Variants in UROS observed in about 807,000 individuals in gnomAD.
UROS encodes the protein uroporphyrinogen III synthase, also known as uroporphyrinogen-III synthase.
A neutral mutation model predicts 33.0 loss-of-function variants in UROS; 18 were observed. The ratio of observed to expected loss-of-function variants is 0.55; its 90% confidence interval spans 0.38 to 0.81. The LOEUF is 0.81. UROS is among the 30% of genes least tolerant of loss of function. UROS has a pLI of 0.00. For synonymous variants in UROS, 114 were observed against 121.1 expected, an observed-to-expected ratio of 0.94 and a Z score of 0.38; for missense variants, 293 against 314.9, an observed-to-expected ratio of 0.93 and a Z score of 0.53.
chr10:125,814,266 C>G (rs1853095185), intron 4 of UROS, among the ~76,000 whole-genome samples: 1 of 152,204 alleles, frequency 6.6e-6, no homozygotes, highest in Admixed American at 6.5e-5. Flanking sequence ...AAACCCAGGA[C>G]TAACTCACTC....
chr10:125,823,244 G>C lies in UROS; in HGVS notation c.-242C>G. The stretch of plus-strand genomic sequence containing the variant: ...TCGCGTGGGTGGCTGCGCGCAGCTA[G>C]GCGCTCGCGCATGCGCACCGCCATC... On this transcript the variant is annotated 5_prime_UTR_variant, in exon 1 of 10. Transcript: ENST00000368797. The C allele has an allele frequency of 3.7e-6, 1 of 266,734 alleles. No individual in the cohort carries two copies. Among genetic ancestry groups the C allele is most frequent in the Non-Finnish European group, 7.1e-6 (1 of 140,290 alleles). The allele number at this position is 266,734 out of a possible 1,614,324, so 16.5% of individuals were successfully genotyped here. A position where few individuals can be genotyped will look rare whatever the true frequency, so the allele number is the denominator to read the frequency against.
intron 1 of UROS, among the ~76,000 whole-genome samples, chr10:125,820,346 G>A (rs948772513): frequency 2.5e-4 from 38 of 152,190 alleles, no homozygotes; most frequent in African/African-American, 9.2e-4. Context: ...TCAGCACCAG[G>A]AGCACCAAGG....
intron 6 of UROS, among the ~76,000 whole-genome samples, chr10:125,805,442 C>T (rs549465501): frequency 6.6e-6 from 1 of 152,278 alleles, no homozygotes; most frequent in South Asian, 2.1e-4. Context: ...TGAATTCCAG[C>T]CTGCCACTTC....
chr10:125,801,759 T>C (rs956713923), intron 6 of UROS, among the ~76,000 whole-genome samples: 18 of 152,234 alleles, frequency 1.2e-4, no homozygotes, highest in African/African-American at 4.3e-4. Flanking sequence ...AATATGTTAA[T>C]ATCTATCCAA....
At chr10:125,787,772 A>G (rs927187919), downstream of UROS, among the ~76,000 whole-genome samples, 5 of 152,152 alleles carry the variant, frequency 3.3e-5, no homozygotes, top group African/African-American at 1.2e-4. Context: ...AACAGTTCTC[A>G]AAGAATTTCT....
At chr10:125,796,532 C>T (rs1264291292) in intron 7 of UROS, among the ~76,000 whole-genome samples, 1 of 152,242 alleles carries the variant, frequency 6.6e-6, no homozygotes, top group Non-Finnish European at 1.5e-5. Context: ...GGATCCCACA[C>T]AGACTGGTTG....
At chr10:125,821,808 G>A (rs1394871028) in intron 1 of UROS, among the ~76,000 whole-genome samples, 1 of 152,096 alleles carries the variant, frequency 6.6e-6, no homozygotes, top group African/African-American at 2.4e-5. Flanking sequence ...TGTTTTTGCA[G>A]TTGTGCGACC....
intron 6 of UROS, among the ~76,000 whole-genome samples, chr10:125,801,141 T>A (rs906801975): frequency 6.6e-6 from 1 of 152,006 alleles, no homozygotes; most frequent in African/African-American, 2.4e-5. Context: ...GGCGCCTGAG[T>A]GCTGATAATA....
intron 7 of UROS, 102 bp from the exon 8 acceptor site, chr10:125,796,290 A>C: frequency 8.6e-7 from 1 of 1,161,602 alleles, no homozygotes; most frequent in Non-Finnish European, 1.3e-6. Context: ...ATACAGCACC[A>C]CCCTCCTGGA....
At chr10:125,798,284 T>A in intron 6 of UROS, 139 bp from the exon 7 acceptor site, 1 of 829,990 alleles carries the variant, frequency 1.2e-6, no homozygotes, top group Non-Finnish European at 2.0e-6. Context: ...AGTTTCAGCA[T>A]CTGTAAACAG....
At chr10:125,801,462 TA>T (rs1176050784) in intron 6 of UROS, among the ~76,000 whole-genome samples, 2 of 152,230 alleles carry the variant, frequency 1.3e-5, no homozygotes, top group Admixed American at 1.3e-4. Flanking sequence ...AAGTGTTAAC[TA>T]AAATAAATAG....
At chr10:125,810,838 A>T (rs1852744981) in intron 5 of UROS, among the ~76,000 whole-genome samples, 1 of 152,234 alleles carries the variant, frequency 6.6e-6, no homozygotes, top group Non-Finnish European at 1.5e-5. Flanking sequence ...ATTGACTTTC[A>T]TGTCAAGGAA....
At chr10:125,821,326 A>C (rs932148218) in intron 1 of UROS, among the ~76,000 whole-genome samples, 5 of 152,250 alleles carry the variant, frequency 3.3e-5, no homozygotes, top group African/African-American at 1.2e-4. Context: ...GGAAATCCTA[A>C]TGCATGCTAC....
intron 6 of UROS, among the ~76,000 whole-genome samples, chr10:125,805,048 G>C (rs1418817943): frequency 6.6e-6 from 1 of 152,234 alleles, no homozygotes; most frequent in Non-Finnish European, 1.5e-5. Flanking sequence ...TGGGGCAAGA[G>C]AGGCGTCAGT....
At chr10:125,819,032 T>C (rs1853610851) in intron 1 of UROS, among the ~76,000 whole-genome samples, 1 of 152,220 alleles carries the variant, frequency 6.6e-6, no homozygotes, top group South Asian at 2.1e-4. Flanking sequence ...TCGCCCAGGC[T>C]GGAGTGCAGT....
chr10:125,822,801 C>T lies in UROS; in HGVS notation c.-27+228G>A, dbSNP rs1218753391. On this transcript the variant is annotated intron_variant, in intron 1 of 9. Coordinates refer to ENST00000368797, the MANE Select transcript of UROS (RefSeq NM_000375.3). ...AACTGCGGTGCCGGCTTTAAAAAAACTTTTAGGTCAAGAAATGCGCTCCAG... is the reference window on the plus strand; with the variant it reads ...AACTGCGGTGCCGGCTTTAAAAAAATTTTTAGGTCAAGAAATGCGCTCCAG... 7.9e-5 allele frequency among the ~76,000 whole-genome samples: 12 copies of T among 152,332 alleles called. No individual in the cohort carries two copies. The South Asian group carries it at 1.7e-3, about 21-fold the overall frequency.
intron 9 of UROS, chr10:125,793,630 TC>T (rs1197878129): frequency 6.6e-6 from 1 of 152,302 alleles, no homozygotes; most frequent in Non-Finnish European, 1.5e-5. Flanking sequence ...CACTGCAACC[TC>T]AGTCTCCAGG....
At chr10:125,820,562 AG>A (rs1296092747) in intron 1 of UROS, among the ~76,000 whole-genome samples, 1 of 152,228 alleles carries the variant, frequency 6.6e-6, no homozygotes, top group Non-Finnish European at 1.5e-5. Context: ...ATGTTTAACC[AG>A]ATATCTGGGC....
At position 125,816,261 on chromosome 10, in the gene UROS, C is replaced by A; in HGVS notation, c.64-1G>T. The A allele has an allele frequency of 6.2e-7, 1 of 1,613,924 alleles. No homozygotes were observed. The highest frequency in any genetic ancestry group is 8.5e-7 in the Non-Finnish European group (1 of 1,179,848). ...CTTCAAGTCCATATAATCCTAATTC[C>A]TGAAATGAAAGAATATAGTTCTGGA... is the stretch of plus-strand genomic sequence containing the variant. On this transcript the variant is annotated splice_acceptor_variant, in intron 2 of 9. Coordinates refer to ENST00000368797, the MANE Select transcript of UROS (RefSeq NM_000375.3). LOFTEE classifies it high-confidence loss of function.
Sources: gnomAD v4.1 joint callset for allele counts (sites outside exome capture counted in the v4.1 genomes callset) on GRCh38, gnomAD v4.1.1 for gene constraint, MANE v1.5 for transcripts, NCBI Gene and HGNC (gene_info 2026-07-23, HGNC 2026-07-21) for gene names.